Variants in NLGN4Y observed in about 807,000 individuals in gnomAD.
NLGN4Y encodes neuroligin-4, Y-linked.
Under a neutral mutation model 8.4 loss-of-function variants are expected in NLGN4Y, and 4 were observed. The ratio of observed to expected loss-of-function variants is 0.48; its 90% CI spans 0.23 to 1.09. The LOEUF (loss-of-function observed/expected upper bound fraction) is 1.09, where lower values mean the gene tolerates loss of function less well. Among genes scored for constraint, NLGN4Y ranks in the 50% least tolerant of loss-of-function variants. The pLI, the probability that NLGN4Y is intolerant of heterozygous loss-of-function variation, is 0.19. For synonymous variants in NLGN4Y, 35 were observed against 75.6 expected (o/e 0.46, Z 2.78); for missense variants, 90 against 192.3 (o/e 0.47, Z 3.15).
chrY:14,561,961 G>A, intron 1 of NLGN4Y, among the ~76,000 whole-genome samples: 1 of 33,250 alleles, frequency 3.0e-5, no homozygotes, highest in Non-Finnish European at 7.4e-5. Context: ...TGTAGATTCT[G>A]GATATTAGCC....
intron 1 of NLGN4Y, among the ~76,000 whole-genome samples, chrY:14,581,138 T>C: frequency 3.1e-5 from 1 of 32,513 alleles, no homozygotes; most frequent in African/African-American, 1.2e-4. Context: ...AAACTACTAA[T>C]AATATGATGA....
intron 1 of NLGN4Y, among the ~76,000 whole-genome samples, chrY:14,543,868 A>G: frequency 3.0e-5 from 1 of 33,739 alleles, no homozygotes; most frequent in African/African-American, 1.2e-4. Flanking sequence ...ACACACGTGC[A>G]TGCATACACA....
chrY:14,733,529 T>C (rs775645548), intron 4 of NLGN4Y: 2 of 302,262 alleles, frequency 6.6e-6, no homozygotes, highest in South Asian at 7.7e-5. Context: ...TTTAATAAAT[T>C]TTTTTTGAGT....
intron 1 of NLGN4Y, among the ~76,000 whole-genome samples, chrY:14,572,830 C>G (rs886998394): frequency 3.0e-5 from 1 of 33,344 alleles, no homozygotes; most frequent in Admixed American, 2.7e-4. Context: ...TTGTCAAAGG[C>G]CTTTTCTGCA....
intron 2 of NLGN4Y, among the ~76,000 whole-genome samples, chrY:14,670,133 G>C (rs2080705535): frequency 2.9e-5 from 1 of 34,517 alleles, no homozygotes; most frequent in Non-Finnish European, 7.3e-5. Context: ...TTGTGGATTT[G>C]CAAAATTTGG....
chrY:14,683,418 G>T (rs2080776601), intron 2 of NLGN4Y, among the ~76,000 whole-genome samples: 1 of 33,451 alleles, frequency 3.0e-5, no homozygotes, highest in South Asian at 6.6e-4. Context: ...CTCATCATTT[G>T]CCTGTGTTTA....
intron 5 of NLGN4Y, among the ~76,000 whole-genome samples, chrY:14,826,596 C>A: frequency 3.0e-5 from 1 of 32,884 alleles, no homozygotes; most frequent in Non-Finnish European, 7.4e-5. Context: ...CCTGCCTCAG[C>A]CTCTGGAATT....
chrY:14,635,602 A>G (rs1603501787), intron 2 of NLGN4Y, among the ~76,000 whole-genome samples: 1 of 22,179 alleles, frequency 4.5e-5, no homozygotes, highest in Admixed American at 4.3e-4. Context: ...TTATTTATTT[A>G]TTTTTTGAGA....
chrY:14,610,786 T>TA (rs2080464702), intron 1 of NLGN4Y, among the ~76,000 whole-genome samples: 6 of 32,754 alleles, frequency 1.8e-4, no homozygotes, highest in African/African-American at 7.1e-4. Context: ...TTGATCTGTC[T>TA]AATATTGACA....
At chrY:14,543,397 G>A in intron 1 of NLGN4Y, among the ~76,000 whole-genome samples, 1 of 33,825 alleles carries the variant, frequency 3.0e-5, no homozygotes, top group African/African-American at 1.2e-4. Flanking sequence ...GGAAAAAACT[G>A]CTCTTTTTAC....
intron 4 of NLGN4Y, among the ~76,000 whole-genome samples, chrY:14,801,542 CAAAAAAAAAAA>C (rs746849382): frequency 7.7e-4 from 4 of 5,170 alleles, no homozygotes; most frequent in East Asian, 3.9e-3. Context: ...TCAGATGAAC[CAAAAAAAAAAA>C]AAAAAAAAAA....
chrY:14,617,022 G>A, intron 1 of NLGN4Y, among the ~76,000 whole-genome samples: 1 of 32,715 alleles, frequency 3.1e-5, no homozygotes, highest in Admixed American at 2.8e-4. Flanking sequence ...TCATTGATCT[G>A]TCTAATATTG....
intron 2 of NLGN4Y, among the ~76,000 whole-genome samples, chrY:14,656,621 CAAA>C (rs780546798): frequency 6.0e-5 from 1 of 16,558 alleles, no homozygotes; most frequent in Non-Finnish European, 1.4e-4. Context: ...ACAACAACAA[CAAA>C]AAAAAAAAAA....
intron 2 of NLGN4Y, chrY:14,639,179 G>A: frequency 8.2e-6 from 1 of 121,941 alleles, no homozygotes; most frequent in Non-Finnish European, 1.6e-5. Context: ...GATGTAATTA[G>A]CTGTATAGAA....
intron 1 of NLGN4Y, among the ~76,000 whole-genome samples, chrY:14,601,677 G>C: frequency 3.1e-5 from 1 of 32,212 alleles, no homozygotes; most frequent in African/African-American, 1.2e-4. Flanking sequence ...CGCCTGTAAT[G>C]CTAGCATTTT....
intron 4 of NLGN4Y, among the ~76,000 whole-genome samples, chrY:14,749,552 A>T: frequency 2.9e-5 from 1 of 33,951 alleles, no homozygotes; most frequent in Non-Finnish European, 7.3e-5. Flanking sequence ...TTTCAGACAT[A>T]TGCCTTTCCA....
intron 4 of NLGN4Y, among the ~76,000 whole-genome samples, chrY:14,796,589 A>AAAAG (rs2043011875): frequency 3.2e-5 from 1 of 31,573 alleles, no homozygotes; most frequent in African/African-American, 1.2e-4. Flanking sequence ...AAAAAAAAAA[A>AAAAG]AAAGAAAGAA....
At chrY:14,627,806 A>G (rs2080534081) in intron 2 of NLGN4Y, among the ~76,000 whole-genome samples, 1 of 34,572 alleles carries the variant, frequency 2.9e-5, no homozygotes, top group Non-Finnish European at 7.3e-5. Flanking sequence ...GCCGAGGCCT[A>G]GGAGGTGCGA....
intron 1 of NLGN4Y, among the ~76,000 whole-genome samples, chrY:14,546,776 C>G (rs778841581): frequency 3.0e-5 from 1 of 33,262 alleles, no homozygotes; most frequent in Admixed American, 2.8e-4. Context: ...ATTTCCTTCT[C>G]CTGCCTAATT....
Sources: gnomAD v4.1 joint callset for allele counts (sites outside exome capture counted in the v4.1 genomes callset) on GRCh38, gnomAD v4.1.1 for gene constraint, MANE v1.5 for transcripts, NCBI Gene and HGNC (gene_info 2026-07-23, HGNC 2026-07-21) for gene names.